HIP1: variants seen among roughly 807,000 people sequenced by gnomAD.
The protein encoded by HIP1 is huntingtin interacting protein 1.
In HIP1, 65 loss-of-function variants were observed where a neutral mutation model predicts 147.6. The observed-to-expected ratio is 0.44, with a 90% CI of 0.36 to 0.54. The LOEUF (loss-of-function observed/expected upper bound fraction) is 0.54, where lower values mean the gene tolerates loss of function less well. HIP1 is among the 20% of genes least tolerant of loss of function. HIP1 has a pLI of 0.00. For synonymous variants in HIP1, 479 were observed against 504.0 expected (o/e 0.95, Z 0.67); for missense variants, 1,061 against 1,299.6 (o/e 0.82, Z 2.82).
At chr7:75,609,335 C>G (rs929895168) in intron 1 of HIP1, among the ~76,000 whole-genome samples, 2 of 152,262 alleles carry the variant, frequency 1.3e-5, no homozygotes, top group Non-Finnish European at 2.9e-5. Context: ...ATTCTGGGTT[C>G]TAAGGCAACC....
intron 13 of HIP1, among the ~76,000 whole-genome samples, chr7:75,560,393 T>C (rs1339683141): frequency 2.6e-5 from 4 of 152,062 alleles, no homozygotes; most frequent in African/African-American, 9.7e-5. Context: ...GCATTACAGG[T>C]ATGCACCACC....
At chr7:75,669,554 T>A (rs1799674471) in intron 1 of HIP1, among the ~76,000 whole-genome samples, 2 of 146,616 alleles carry the variant, frequency 1.4e-5, no homozygotes, top group Admixed American at 1.4e-4. Context: ...AGAGTGAGAC[T>A]CTGTCTCAAA....
intron 1 of HIP1, among the ~76,000 whole-genome samples, chr7:75,653,726 G>A (rs1238925840): frequency 2.6e-5 from 4 of 152,078 alleles, no homozygotes; most frequent in Admixed American, 6.6e-5. Flanking sequence ...CAGGCGTTGC[G>A]GTGGGTGCCT....
At chr7:75,611,783 T>A (rs1797446996) in intron 1 of HIP1, 1 of 1,037,232 alleles carries the variant, frequency 9.6e-7, no homozygotes, top group East Asian at 5.9e-5. Context: ...GGTGGCATTG[T>A]CCACCACTTC....
At chr7:75,545,321 C>CA (rs1794514047) in intron 25 of HIP1, 133 bp from the exon 26 acceptor site, 1 of 655,302 alleles carries the variant, frequency 1.5e-6, no homozygotes, top group Admixed American at 3.0e-5. Context: ...TCCCATTTTA[C>CA]AAAAAAGAAG....
intron 1 of HIP1, among the ~76,000 whole-genome samples, chr7:75,664,160 A>G (rs1257112842): frequency 4.2e-5 from 3 of 70,766 alleles, no homozygotes; most frequent in African/African-American, 1.5e-4. Context: ...GTATGTGTGT[A>G]TATTTACATA....
intron 5 of HIP1, among the ~76,000 whole-genome samples, chr7:75,585,185 CTTT>C (rs71098036): frequency 5.5e-4 from 73 of 133,412 alleles, no homozygotes; most frequent in Admixed American, 7.6e-4. Flanking sequence ...CCCAAAACGT[CTTT>C]TTTTTTTTTT....
chr7:75,562,801 G>T (rs1300876912), intron 11 of HIP1, 134 bp downstream of exon 11: 19 of 833,176 alleles, frequency 2.3e-5, no homozygotes, highest in Non-Finnish European at 2.8e-5. Context: ...CTCAGCCTAG[G>T]TTGGTGCTAG....
chr7:75,586,436 G>A (rs1450900513), intron 5 of HIP1, among the ~76,000 whole-genome samples: 8 of 152,032 alleles, frequency 5.3e-5, no homozygotes, highest in East Asian at 1.9e-4. Flanking sequence ...CCCTGACCTC[G>A]GGTGATCCAT....
intron 1 of HIP1, among the ~76,000 whole-genome samples, chr7:75,634,244 A>G (rs587745151): frequency 3.4e-4 from 52 of 151,030 alleles, no homozygotes; most frequent in African/African-American, 1.3e-3. Context: ...TTGACAACAG[A>G]GTGAGACCTT....
Position 75,575,873 on chromosome 7 carries a change from C to T in HIP1, c.605-1972G>A, listed in dbSNP as rs782143104. 4.3e-4 allele frequency among the ~76,000 whole-genome samples: 65 copies of T among 152,002 alleles called. 2 individuals are homozygous for T. The highest frequency in any genetic ancestry group is 2.1e-4 in the Non-Finnish European group (14 of 67,994). ...CTAGCACTGCCTGTATTCCGCTTCC[C>T]GACTGCACTAATCCCTGGTAACTGG... On this transcript the variant is annotated intron_variant, in intron 7 of 30. Coordinates refer to ENST00000336926, the MANE Select transcript of HIP1 (RefSeq NM_005338.7).
intron 1 of HIP1, among the ~76,000 whole-genome samples, chr7:75,622,819 G>A (rs1416079746): frequency 2.0e-5 from 3 of 151,894 alleles, no homozygotes; most frequent in South Asian, 4.1e-4. Context: ...CTCCAGCCTG[G>A]GCAACAGAGC....
intron 5 of HIP1, among the ~76,000 whole-genome samples, chr7:75,584,627 C>T (rs1554499201): frequency 6.6e-6 from 1 of 152,044 alleles, no homozygotes; most frequent in African/African-American, 2.4e-5. Flanking sequence ...CTATTGGCAC[C>T]AGCTGCTTCT....
chr7:75,533,341 G>T lies in HIP1; in HGVS notation c.*4831C>A. 4.6e-6 allele frequency: 1 copy of T among 217,496 alleles called. No homozygotes were observed. Among genetic ancestry groups the T allele is most frequent in the Non-Finnish European group, 9.2e-6 (1 of 108,198 alleles). The allele number at this position is 217,496 out of a possible 1,614,324, so 13.5% of individuals were successfully genotyped here. On this transcript the variant is annotated 3_prime_UTR_variant, in exon 31 of 31. Transcript: ENST00000336926. ...TATTTGAAAAATTGAAAACACAGAT[G>T]CAATGTATTATACAAAGAAAGGTCT...
intron 1 of HIP1, among the ~76,000 whole-genome samples, chr7:75,629,319 G>A (rs1467855331): frequency 6.6e-6 from 1 of 152,052 alleles, no homozygotes; most frequent in African/African-American, 2.4e-5. Flanking sequence ...GAGACTTGCT[G>A]GTTATTTTTA....
chr7:75,585,068 TC>T (rs1796203079), intron 5 of HIP1, among the ~76,000 whole-genome samples: 1 of 152,106 alleles, frequency 6.6e-6, no homozygotes, highest in African/African-American at 2.4e-5. Flanking sequence ...CAGGCTGGTC[TC>T]CAACTCCTGG....
chr7:75,677,458 T>C (rs782442276), intron 1 of HIP1, among the ~76,000 whole-genome samples: 9 of 149,754 alleles, frequency 6.0e-5, no homozygotes, highest in African/African-American at 9.8e-5. Flanking sequence ...ATACAAAAAT[T>C]AGCTGGGCGT....
chr7:75,727,084 T>C (rs1219421884), intron 1 of HIP1, among the ~76,000 whole-genome samples: 1 of 152,114 alleles, frequency 6.6e-6, no homozygotes, highest in Non-Finnish European at 1.5e-5. Context: ...AAGTATCTCC[T>C]GCTTATTTTT....
At chr7:75,607,858 C>T (rs1797287309) in intron 1 of HIP1, among the ~76,000 whole-genome samples, 1 of 152,146 alleles carries the variant, frequency 6.6e-6, no homozygotes, top group South Asian at 2.1e-4. Context: ...ACAAGGCCCT[C>T]TACACCACAG....
Sources: allele counts gnomAD v4.1 joint callset (sites outside exome capture counted in the v4.1 genomes callset), GRCh38; gene constraint gnomAD v4.1.1; transcripts MANE v1.5; gene names NCBI Gene and HGNC (gene_info 2026-07-23, HGNC 2026-07-21).